The following PPME1 variants were observed in gnomAD, a reference collection of about 807,000 sequenced individuals.
PPME1 encodes testicular secretory protein Li 39.
A neutral mutation model predicts 56.9 loss-of-function variants in PPME1; 17 were observed. The ratio of observed to expected loss-of-function variants is 0.30; its 90% CI spans 0.20 to 0.45. The LOEUF is 0.45. PPME1 is among the 20% of genes least tolerant of loss of function. The pLI, the probability that PPME1 is intolerant of heterozygous loss-of-function variation, is 1.00. For synonymous variants in PPME1, 122 were observed against 156.2 expected, an observed-to-expected ratio of 0.78 and a Z score of 1.63; for missense variants, 357 against 483.2, an observed-to-expected ratio of 0.74 and a Z score of 2.45.
intron 1 of PPME1, among the ~76,000 whole-genome samples, chr11:74,184,501 A>G (rs959647527): frequency 1.2e-4 from 19 of 152,190 alleles, no homozygotes; most frequent in Admixed American, 5.2e-4. Context: ...GGGAATTCTA[A>G]TCTTTTGTGG....
intron 9 of PPME1, among the ~76,000 whole-genome samples, chr11:74,239,880 T>A (rs928180362): frequency 4.0e-5 from 6 of 151,832 alleles, no homozygotes; most frequent in African/African-American, 1.5e-4. Context: ...ATGCCCGGCC[T>A]AAGCTCATGC....
chr11:74,181,485 G>A (rs1277919789), intron 1 of PPME1, among the ~76,000 whole-genome samples: 5 of 152,266 alleles, frequency 3.3e-5, no homozygotes, highest in East Asian at 1.9e-4. Flanking sequence ...CATTGGTATT[G>A]TACTTTTTCA....
intron 7 of PPME1, among the ~76,000 whole-genome samples, chr11:74,234,868 C>G (rs1859153364): frequency 6.6e-6 from 1 of 152,088 alleles, no homozygotes; most frequent in Non-Finnish European, 1.5e-5. Context: ...AGAAGAGAGA[C>G]AGGATAACTG....
At chr11:74,187,666 T>C (rs1328878927) in intron 1 of PPME1, among the ~76,000 whole-genome samples, 1 of 152,220 alleles carries the variant, frequency 6.6e-6, no homozygotes, top group African/African-American at 2.4e-5. Context: ...CATTTTAACA[T>C]GTATAGGTAA....
At chr11:74,251,091 C>CTTT in intron 12 of PPME1, 73 bp downstream of exon 12, 1 of 1,542,620 alleles carries the variant, frequency 6.5e-7, no homozygotes, top group Non-Finnish European at 8.8e-7. Flanking sequence ...AGACAAGTCT[C>CTTT]TGAGTCTCAG....
At chr11:74,198,360 C>T (rs1383511623) in intron 1 of PPME1, among the ~76,000 whole-genome samples, 7 of 152,170 alleles carry the variant, frequency 4.6e-5, no homozygotes, top group African/African-American at 1.2e-4. Context: ...GTTATTGCAA[C>T]ATATTTTTTC....
In PPME1 at chr11:74,179,607, A is replaced by C. The variant is rs189604778; in HGVS notation, c.101+8085A>C. ...GTCACCTTAAAATGAGAATACTTTA[A>C]TGGTACTGTTCAAAACCATGCTTGG... On this transcript the variant is annotated intron_variant, in intron 1 of 13. Transcript: ENST00000328257. Among the ~76,000 whole-genome samples the C allele has an allele frequency of 4.4e-3, 677 of 152,350 alleles. 4 individuals carry two copies. Among genetic ancestry groups the C allele is most frequent in the Middle Eastern group, 0.034 (10 of 294 alleles).
rs1859519397 is a variant in PPME1, at chr11:74,246,991, A to G, written c.965-88A>G. 5 of 1,099,316 alleles carry G rather than the reference A, an allele frequency of 4.5e-6. No homozygotes were observed. In the East Asian group the frequency reaches 1.0e-4, roughly 22 times the overall value. 68.1% of individuals were successfully genotyped at this position (1,099,316 alleles called of 1,614,324 possible). A position where few individuals can be genotyped will look rare whatever the true frequency, so the allele number is the denominator to read the frequency against. On this transcript the variant is annotated intron_variant, in intron 10 of 13. Coordinates refer to ENST00000328257, the MANE Select transcript of PPME1 (RefSeq NM_016147.3). ...GGATTGGTATAAACATGAATGGAGA[A>G]TGTCATCATATTTAAAACTTTGTAA...
At chr11:74,194,174 A>T (rs1475054606) in intron 1 of PPME1, among the ~76,000 whole-genome samples, 1 of 152,060 alleles carries the variant, frequency 6.6e-6, no homozygotes, top group Non-Finnish European at 1.5e-5. Context: ...AAGTTTTAAG[A>T]CAGGCCTTTT....
chr11:74,226,820 A>G (rs180976835), intron 5 of PPME1, among the ~76,000 whole-genome samples: 20 of 152,340 alleles, frequency 1.3e-4, no homozygotes, highest in African/African-American at 3.6e-4. Context: ...ATTATTCACT[A>G]TAACAGGGGA....
At chr11:74,233,924 TAGA>T (rs1331725750) in intron 7 of PPME1, among the ~76,000 whole-genome samples, 1 of 152,122 alleles carries the variant, frequency 6.6e-6, no homozygotes. Context: ...GAAAATCAAA[TAGA>T]AGAAGTGGGG....
intron 3 of PPME1, among the ~76,000 whole-genome samples, chr11:74,204,708 G>A (rs1858281091): frequency 6.6e-6 from 1 of 152,100 alleles, no homozygotes. Flanking sequence ...AAAAAGAAAA[G>A]ATAATAGGGA....
chr11:74,239,407 A>C (rs918567235), intron 9 of PPME1, among the ~76,000 whole-genome samples, 151 bp downstream of exon 9: 3 of 152,186 alleles, frequency 2.0e-5, no homozygotes, highest in Non-Finnish European at 4.4e-5. Flanking sequence ...TAGCTTAACT[A>C]TAAGATGTAA....
At chr11:74,209,318 G>T (rs1286176311) in intron 3 of PPME1, among the ~76,000 whole-genome samples, 2 of 152,050 alleles carry the variant, frequency 1.3e-5, no homozygotes, top group Admixed American at 1.3e-4. Flanking sequence ...GCCCAGGTTG[G>T]TCTTGAACAC....
intron 3 of PPME1, among the ~76,000 whole-genome samples, chr11:74,217,036 C>A (rs1364306546): frequency 6.6e-6 from 1 of 152,086 alleles, no homozygotes; most frequent in Non-Finnish European, 1.5e-5. Context: ...TTTTACCAAA[C>A]ATTTAAAAAA....
chr11:74,239,058 G>GT (rs1203275934), intron 8 of PPME1, 75 bp from the exon 9 acceptor site: 8 of 1,395,818 alleles, frequency 5.7e-6, no homozygotes, highest in Middle Eastern at 1.9e-4. Context: ...ATAAAAGGCC[G>GT]TAAGTATGAG....
At position 74,230,130 on chromosome 11, in the gene PPME1, A is replaced by G. The variant is rs1859029242; in HGVS notation, c.399-115A>G. ...AGGTATGTTTGTAAGATGGCCCAATAGACTTTTACAGTTTCCCAGCACTGT... is the reference window on the plus strand; with the variant it reads ...AGGTATGTTTGTAAGATGGCCCAATGGACTTTTACAGTTTCCCAGCACTGT... On this transcript the variant is annotated intron_variant, in intron 5 of 13. Coordinates refer to ENST00000328257, the MANE Select transcript of PPME1 (RefSeq NM_016147.3). This position sits in a 1 kb window ranked among gnomAD's most constrained non-coding sequence, Gnocchi z 4.9. 1 of 1,159,720 alleles carries G rather than the reference A, an allele frequency of 8.6e-7. No individual in the cohort carries two copies. Among genetic ancestry groups the G allele is most frequent in the South Asian group, 1.6e-5 (1 of 63,754 alleles). 71.8% of individuals were successfully genotyped at this position (1,159,720 alleles called of 1,614,324 possible).
At chr11:74,222,863 T>G (rs1459011944) in intron 4 of PPME1, 1 of 152,314 alleles carries the variant, frequency 6.6e-6, no homozygotes, top group East Asian at 1.9e-4. Flanking sequence ...TATTAAAGTT[T>G]TATGTATAAT....
At chr11:74,242,895 A>C (rs1449588275) in intron 9 of PPME1, among the ~76,000 whole-genome samples, 1 of 151,416 alleles carries the variant, frequency 6.6e-6, no homozygotes, top group Non-Finnish European at 1.5e-5. Context: ...AAAAAAAAAA[A>C]AAAAAAAACA....
Sources: gnomAD v4.1 joint callset for allele counts (sites outside exome capture counted in the v4.1 genomes callset) on GRCh38, gnomAD v4.1.1 for gene constraint, Gnocchi (gnomAD v3.1) non-coding constraint, MANE v1.5 for transcripts, NCBI Gene and HGNC (gene_info 2026-07-23, HGNC 2026-07-21) for gene names.